The following CMTR1 variants were observed in gnomAD, a reference collection of about 807,000 sequenced individuals.
The protein encoded by CMTR1 is cap-specific mRNA (nucleoside-2'-O-)-methyltransferase 1.
Under a neutral mutation model 107.0 loss-of-function variants are expected in CMTR1, and 39 were observed. That is an observed-to-expected ratio of 0.36 (90% confidence interval 0.28 to 0.48). The LOEUF (loss-of-function observed/expected upper bound fraction) is 0.48, where lower values mean the gene tolerates loss of function less well. CMTR1 is among the 20% of genes least tolerant of loss of function. CMTR1 has a pLI of 0.99. For synonymous variants in CMTR1, 366 were observed against 379.5 expected (o/e 0.96, Z 0.41); for missense variants, 672 against 1,064.9 (o/e 0.63, Z 5.14).
At chr6:37,451,552 T>C (rs1462616184) in intron 5 of CMTR1, among the ~76,000 whole-genome samples, 2 of 152,178 alleles carry the variant, frequency 1.3e-5, no homozygotes, top group Admixed American at 6.5e-5. Context: ...TCAGCATTCA[T>C]GAGTCTTGTG....
intron 13 of CMTR1, among the ~76,000 whole-genome samples, chr6:37,470,443 G>GC (rs1561791620): frequency 6.6e-6 from 1 of 151,998 alleles, no homozygotes; most frequent in South Asian, 2.1e-4. Flanking sequence ...ACCGCGCCTG[G>GC]CCGTCATTCA....
chr6:37,466,635 T>C (rs1355724869), intron 13 of CMTR1, among the ~76,000 whole-genome samples: 2 of 152,182 alleles, frequency 1.3e-5, no homozygotes, highest in African/African-American at 4.8e-5. Flanking sequence ...ATTTCTGGGC[T>C]ATCTCTTCCA....
At chr6:37,470,552 G>T (rs563932879) in intron 13 of CMTR1, among the ~76,000 whole-genome samples, 1 of 152,194 alleles carries the variant, frequency 6.6e-6, no homozygotes, top group South Asian at 2.1e-4. Flanking sequence ...TTGTTCTGTT[G>T]GCCTGTTTTC....
rs957554042 is a variant in CMTR1, at chr6:37,441,174, G to C, written c.134-2825G>C. 3.9e-4 allele frequency among the ~76,000 whole-genome samples: 59 copies of C among 152,194 alleles called. 2 individuals carry two copies. Among genetic ancestry groups the C allele is most frequent in the Non-Finnish European group, 2.9e-5 (2 of 68,040 alleles). ...GTTGAAGGCATGAAAGCAACTGAGT[G>C]AAGAGAATCCATACCTTTGGAAGTG... On this transcript the variant is annotated intron_variant, in intron 2 of 23. Coordinates refer to ENST00000373451, the MANE Select transcript of CMTR1 (RefSeq NM_015050.3).
At chr6:37,479,053 GA>G (rs1761802697) in intron 22 of CMTR1, 93 bp from the exon 23 acceptor site, 1 of 833,482 alleles carries the variant, frequency 1.2e-6, no homozygotes, top group East Asian at 2.5e-5. Context: ...TGGGAGGCAG[GA>G]ATAGGACCAC....
chr6:37,480,448 G>T lies in CMTR1; in HGVS notation c.*303G>T, dbSNP rs1345647448. 8.3e-7 allele frequency: 1 copy of T among 1,204,124 alleles called. No individual in the cohort carries two copies. The highest frequency in any genetic ancestry group is 1.6e-5 in the African/African-American group (1 of 61,490). 74.6% of individuals were successfully genotyped at this position (1,204,124 alleles called of 1,614,324 possible). Reference sequence around the variant, plus strand: ...CCTAGGGCACGTGGGACTGATGGAGGACATATCAGAGTGGCAGAGCTGTGG... The same window carrying T: ...CCTAGGGCACGTGGGACTGATGGAGTACATATCAGAGTGGCAGAGCTGTGG... On this transcript the variant is annotated 3_prime_UTR_variant, in exon 24 of 24. Coordinates refer to ENST00000373451, the MANE Select transcript of CMTR1 (RefSeq NM_015050.3).
chr6:37,450,326 T>G lies in CMTR1; in HGVS notation c.520T>G (p.Trp174Gly). The part of the protein sequence containing the change: ...EIPDTQEMSD[W>G]MVVGKRKMII... ...TCCTGACACTCAGGAAATGAGCGATTGGATGGTGGTGGGAAAGGTAGGCTT... is the reference window on the plus strand; with the variant it reads ...TCCTGACACTCAGGAAATGAGCGATGGGATGGTGGTGGGAAAGGTAGGCTT... Residue 174 changes from tryptophan (W) to glycine (G), a missense_variant, in exon 5 of 24, where the codon TGG becomes GGG. Trp to Gly is a radical substitution (Grantham distance 184, BLOSUM62 -2). Around this residue, in one of 2 missense-constraint regions of CMTR1, gnomAD observed 583 missense variants for 968.4 expected, o/e 0.60. Coordinates refer to ENST00000373451, the MANE Select transcript of CMTR1 (RefSeq NM_015050.3). 1.2e-6 allele frequency: 2 copies of G among 1,613,918 alleles called. No homozygotes were observed. The highest frequency in any genetic ancestry group is 1.7e-6 in the Non-Finnish European group (2 of 1,179,856).
At chr6:37,436,447 C>T (rs948612595) in intron 2 of CMTR1, 4 of 152,198 alleles carry the variant, frequency 2.6e-5, no homozygotes, top group African/African-American at 9.7e-5. Flanking sequence ...TAACAAATTA[C>T]TACAAACTGG....
In CMTR1 at chr6:37,435,604, G is replaced by A; in HGVS notation, c.-6-20G>A. The A allele has an allele frequency of 6.3e-7, 1 of 1,587,428 alleles. No homozygotes were observed. Among genetic ancestry groups the A allele is most frequent in the East Asian group, 2.4e-5 (1 of 42,446 alleles). Reference sequence around the variant, plus strand: ...GGCTGTGACCCAAGGGCAGCTGACTGACTGGATTTATGGTTACAGTTAACG... The same window carrying A: ...GGCTGTGACCCAAGGGCAGCTGACTAACTGGATTTATGGTTACAGTTAACG... On this transcript the variant is annotated intron_variant, in intron 1 of 23. Transcript: ENST00000373451.
chr6:37,473,380 T>G, intron 16 of CMTR1, 90 bp from the exon 17 acceptor site: 1 of 1,429,990 alleles, frequency 7.0e-7, no homozygotes, highest in South Asian at 1.3e-5. Flanking sequence ...TCCTGTCCCT[T>G]GCCTTGTCGA....
chr6:37,429,162 C>T (rs1397275397), upstream of CMTR1, among the ~76,000 whole-genome samples: 1 of 152,028 alleles, frequency 6.6e-6, no homozygotes, highest in African/African-American at 2.4e-5. Flanking sequence ...GTGGCTTCCT[C>T]CACCCCCATC....
Position 37,474,539 on chromosome 6 carries a change from A to G in CMTR1, c.1837A>G (p.Thr613Ala). 1.9e-6 allele frequency: 3 copies of G among 1,614,046 alleles called. No individual in the cohort carries two copies. Among genetic ancestry groups the G allele is most frequent in the Non-Finnish European group, 2.5e-6 (3 of 1,179,964 alleles). ...CTGCCTGTAGAAATCCCAGATCTAC[A>G]CATGGGATGGCCGCCAGTCAGACCG... ...LIGLGKSQIY[T>A]WDGRQSDRWI... The change falls in exon 18 of 24, where the codon ACA becomes GCA. Residue 613 changes from threonine to alanine, a missense_variant. Coordinates refer to ENST00000373451, the MANE Select transcript of CMTR1 (RefSeq NM_015050.3).
chr6:37,429,502 G>C (rs1424003330), upstream of CMTR1, among the ~76,000 whole-genome samples: 1 of 152,196 alleles, frequency 6.6e-6, no homozygotes, highest in Non-Finnish European at 1.5e-5. Context: ...GTTTCAGAGA[G>C]CTTTACCTAC....
chr6:37,443,069 A>G (rs1404187713), intron 2 of CMTR1, among the ~76,000 whole-genome samples: 1 of 152,238 alleles, frequency 6.6e-6, no homozygotes, highest in African/African-American at 2.4e-5. Context: ...ATGTAAATCA[A>G]GTTTCACTTT....
intron 2 of CMTR1, among the ~76,000 whole-genome samples, chr6:37,443,647 T>C (rs1375212510): frequency 6.6e-6 from 1 of 152,202 alleles, no homozygotes; most frequent in Non-Finnish European, 1.5e-5. Context: ...TGAGCCACCA[T>C]GCCCAGCCAA....
In CMTR1 at chr6:37,472,286, C is replaced by A. The variant is rs1761644005; in HGVS notation, c.1621-133C>A. 2 of 777,770 alleles carry A rather than the reference C, an allele frequency of 2.6e-6. No individual in the cohort carries two copies. Among genetic ancestry groups the A allele is most frequent in the South Asian group, 1.5e-5 (1 of 65,630 alleles). 48.2% of individuals were successfully genotyped at this position (777,770 alleles called of 1,614,324 possible). ...GTGAATTATCCACCTCCATCCCTGT[C>A]AGCCTAGCCTCCTTTGTTGTGTGCC... On this transcript the variant is annotated intron_variant, in intron 15 of 23. Transcript: ENST00000373451. This position sits in a 1 kb window ranked among gnomAD's most constrained non-coding sequence, Gnocchi z 4.1.
intron 20 of CMTR1, 70 bp downstream of exon 20, chr6:37,476,264 C>A: frequency 6.6e-7 from 1 of 1,504,970 alleles, no homozygotes; most frequent in Non-Finnish European, 9.2e-7. Flanking sequence ...CAGTGAGGGA[C>A]AGGAGGGCTC....
intron 13 of CMTR1, among the ~76,000 whole-genome samples, chr6:37,467,748 T>G (rs1388810468): frequency 2.6e-5 from 4 of 152,238 alleles, no homozygotes; most frequent in African/African-American, 7.2e-5. Flanking sequence ...TCTGAAAGTC[T>G]GCTTTATCTG....
chr6:37,457,215 G>GA (rs1761313078), intron 8 of CMTR1, among the ~76,000 whole-genome samples: 1 of 141,264 alleles, frequency 7.1e-6, no homozygotes, highest in African/African-American at 2.7e-5. Context: ...AGACCTCGTT[G>GA]CCAAAAAAAA....
Sources: gnomAD v4.1 joint callset for allele counts (sites outside exome capture counted in the v4.1 genomes callset) on GRCh38, gnomAD v4.1.1 for gene constraint, gnomAD v4.1.1 regional missense constraint, Gnocchi (gnomAD v3.1) non-coding constraint, MANE v1.5 for transcripts, NCBI Gene and HGNC (gene_info 2026-07-23, HGNC 2026-07-21) for gene names.